Variants in KTN1 observed in about 807,000 individuals in gnomAD.
The protein encoded by KTN1 is kinectin.
KTN1 carries 130 observed loss-of-function variants against 222.5 expected under a neutral mutation model. That is an observed-to-expected ratio of 0.58 (90% CI 0.51 to 0.68). KTN1 has a LOEUF of 0.68. Among genes scored for constraint, KTN1 ranks in the 30% least tolerant of loss-of-function variants. KTN1 has a pLI of 0.00. For missense variants in KTN1, 1,508 were observed against 1,500.4 expected, an observed-to-expected ratio of 1.01 and a Z score of -0.08; for synonymous variants, 512 against 496.3, an observed-to-expected ratio of 1.03 and a Z score of -0.42.
chr14:55,598,732 A>C (rs1052916322), intron 1 of KTN1, among the ~76,000 whole-genome samples: 2 of 152,228 alleles, frequency 1.3e-5, no homozygotes, highest in African/African-American at 4.8e-5. Flanking sequence ...TCTATTGCTA[A>C]GTACTATGTA....
chr14:55,679,691 G>C lies in KTN1; in HGVS notation c.4069+6G>C. On this transcript the variant is annotated splice_donor_region_variant and intron_variant, in intron 43 of 43. Coordinates refer to ENST00000395314, the MANE Select transcript of KTN1 (RefSeq NM_001079521.2). ...AGAGCACTACCAGGTGTTAGGTAAG[G>C]ACAACTGAAATATTGCTGTCTATGG... The C allele has an allele frequency of 6.2e-7, 1 of 1,613,448 alleles. No individual in the cohort carries two copies. Among genetic ancestry groups the C allele is most frequent in the South Asian group, 1.1e-5 (1 of 91,006 alleles).
At position 55,678,528 on chromosome 14, in the gene KTN1, C is replaced by T. The variant is rs190686171; in HGVS notation, c.3948+84C>T. 9.4e-5 allele frequency: 73 copies of T among 779,894 alleles called. No individual in the cohort carries two copies. The East Asian group carries it at 9.4e-4, about 10-fold the overall frequency. The allele number at this position is 779,894 out of a possible 1,614,324, so 48.3% of individuals were successfully genotyped here. A position where few individuals can be genotyped will look rare whatever the true frequency, so the allele number is the denominator to read the frequency against. ...AACAAAAATGTATAAGGTCCATCTC[C>T]GAAAGTCATCTTTCTTGAAAATATC... On this transcript the variant is annotated intron_variant, in intron 42 of 43. Transcript: ENST00000395314.
intron 34 of KTN1, 82 bp from the exon 35 acceptor site, chr14:55,670,647 G>T: frequency 5.7e-6 from 5 of 876,150 alleles, no homozygotes; most frequent in South Asian, 1.7e-5. Flanking sequence ...TATCTAATTT[G>T]GTTATTTTAA....
chr14:55,641,098 TATTTTA>T, intron 16 of KTN1, 23 bp from the exon 17 acceptor site: 1 of 1,517,790 alleles, frequency 6.6e-7, no homozygotes, highest in East Asian at 2.3e-5. Flanking sequence ...ATGTATGAAG[TATTTTA>T]ATTTTTTTTT....
chr14:55,586,723 T>C (rs2033085266), intron 1 of KTN1, among the ~76,000 whole-genome samples: 1 of 152,096 alleles, frequency 6.6e-6, no homozygotes, highest in Non-Finnish European at 1.5e-5. Flanking sequence ...TTCTTAAAAC[T>C]AGTGATTTAA....
chr14:55,676,557 A>G (rs1490195259), intron 41 of KTN1, among the ~76,000 whole-genome samples: 3 of 152,186 alleles, frequency 2.0e-5, no homozygotes, highest in East Asian at 3.8e-4. Context: ...AACAAGAGGT[A>G]CGCACTTAAA....
chr14:55,580,462 G>C (rs1041716667), intron 1 of KTN1, 108 bp downstream of exon 1: 55 of 146,690 alleles, frequency 3.7e-4, no homozygotes, highest in Non-Finnish European at 7.0e-4. Context: ...GCGCCGGGCG[G>C]GGGGGCGCGG....
intron 17 of KTN1, 75 bp downstream of exon 17, chr14:55,641,283 TACTACGTTTTGTATGAAGTC>T (rs2041774947): frequency 2.4e-6 from 2 of 835,770 alleles, no homozygotes; most frequent in East Asian, 5.1e-5. Flanking sequence ...ATTCCAGAAA[TACTACGTTTTGTATGAAGTC>T]ACTCTGAAAC....
intron 1 of KTN1, among the ~76,000 whole-genome samples, chr14:55,583,755 C>G (rs2140293883): frequency 6.6e-6 from 1 of 152,334 alleles, no homozygotes; most frequent in East Asian, 1.9e-4. Flanking sequence ...AGACTTTCCA[C>G]ATGTGCTGTT....
At chr14:55,647,368 C>T (rs56322135) in intron 19 of KTN1, among the ~76,000 whole-genome samples, 3,588 of 152,132 alleles carry the variant, frequency 0.024, 122 homozygotes, top group African/African-American at 0.078. Flanking sequence ...GGCGTGGTGG[C>T]TCACACCTGT....
intron 39 of KTN1, 43 bp downstream of exon 39, chr14:55,673,055 A>C: frequency 1.3e-6 from 2 of 1,548,586 alleles, no homozygotes; most frequent in Non-Finnish European, 1.8e-6. Flanking sequence ...CTCAATTCAG[A>C]TTAAGTTTAT....
chr14:55,611,804 C>T (rs2037619148), intron 1 of KTN1, among the ~76,000 whole-genome samples: 1 of 152,168 alleles, frequency 6.6e-6, no homozygotes, highest in South Asian at 2.1e-4. Flanking sequence ...ATGTTTTCTA[C>T]TCCTTCTAGT....
In KTN1 at chr14:55,648,858, G is replaced by T; in HGVS notation, c.2355G>T (p.Lys785Asn). 3 of 1,590,056 alleles carry T rather than the reference G, an allele frequency of 1.9e-6. No homozygotes were observed. Among genetic ancestry groups the T allele is most frequent in the Non-Finnish European group, 2.6e-6 (3 of 1,160,116 alleles). ...AAGAAGTTCAAGACTTAAAAGCTAA[G>T]CAAAATGATCAGGTAATGTAAATTT... Reference protein sequence around the residue: ...LTKEVQDLKAKQNDQVSFASL... With the variant: ...LTKEVQDLKANQNDQVSFASL... Residue 785 changes from lysine (K) to asparagine (N), a missense_variant, in exon 21 of 44, where the codon AAG becomes AAT. Physicochemically the swap from Lys to Asn is moderately conservative, Grantham distance 94 (BLOSUM62 0). Coordinates refer to ENST00000395314, the MANE Select transcript of KTN1 (RefSeq NM_001079521.2).
intron 35 of KTN1, chr14:55,671,270 C>T (rs544918839): frequency 1.2e-5 from 4 of 330,094 alleles, no homozygotes; most frequent in South Asian, 9.1e-5. Flanking sequence ...AATCCTCTTT[C>T]CCATGTGTGT....
At chr14:55,676,490 A>G (rs1314619722) in intron 41 of KTN1, among the ~76,000 whole-genome samples, 2 of 152,164 alleles carry the variant, frequency 1.3e-5, no homozygotes, top group Non-Finnish European at 2.9e-5. Flanking sequence ...GAGCTATGAT[A>G]GTGTTTATGG....
chr14:55,657,864 A>G (rs1272559904), intron 29 of KTN1, among the ~76,000 whole-genome samples: 3 of 152,138 alleles, frequency 2.0e-5, no homozygotes, highest in African/African-American at 7.2e-5. Context: ...CAGTGAGTTA[A>G]GATCACACCA....
At chr14:55,659,608 A>T (rs148454341) in intron 30 of KTN1, 58 bp from the exon 31 acceptor site, 43 of 1,005,428 alleles carry the variant, frequency 4.3e-5, no homozygotes, top group Non-Finnish European at 6.2e-5. Context: ...AAAAGCTTCA[A>T]TGTTTTTAAG....
At chr14:55,638,237 T>C (rs1195858039) in intron 12 of KTN1, among the ~76,000 whole-genome samples, 2 of 151,900 alleles carry the variant, frequency 1.3e-5, no homozygotes, top group African/African-American at 4.8e-5. Context: ...ATGGTAACCA[T>C]AGATCACAGA....
chr14:55,600,259 T>G (rs2140456596), intron 1 of KTN1, among the ~76,000 whole-genome samples: 1 of 152,146 alleles, frequency 6.6e-6, no homozygotes, highest in South Asian at 2.1e-4. Context: ...ACCCATTATG[T>G]TCAACTTTAA....
Sources: allele counts gnomAD v4.1 joint callset (sites outside exome capture counted in the v4.1 genomes callset), GRCh38; gene constraint gnomAD v4.1.1; transcripts MANE v1.5; gene names NCBI Gene and HGNC (gene_info 2026-07-23, HGNC 2026-07-21).